The following CMTM7 variants were observed in gnomAD, a reference collection of about 807,000 sequenced individuals.
CMTM7 encodes CKLF-like MARVEL transmembrane domain-containing protein 7.
CMTM7 carries 7 observed loss-of-function variants against 19.3 expected under a neutral mutation model. The observed-to-expected ratio is 0.36, with a 90% CI of 0.21 to 0.68. The LOEUF is 0.68. CMTM7 is among the 30% of genes least tolerant of loss of function. The pLI, the probability that CMTM7 is intolerant of heterozygous loss-of-function variation, is 0.60. For missense variants in CMTM7, 193 were observed against 232.6 expected (o/e 0.83, Z 1.11); for synonymous variants, 87 against 99.3 (o/e 0.88, Z 0.74).
intron 1 of CMTM7, among the ~76,000 whole-genome samples, chr3:32,408,955 T>C (rs1696132540): frequency 1.3e-5 from 2 of 152,082 alleles, no homozygotes; most frequent in South Asian, 4.1e-4. Context: ...CAATCTTGGC[T>C]CACTGCAACT....
chr3:32,454,174 G>C (rs1696875994), intron 4 of CMTM7, 67 bp from the exon 5 acceptor site: 1 of 1,538,408 alleles, frequency 6.5e-7, no homozygotes, highest in Non-Finnish European at 8.8e-7. Flanking sequence ...AGTCAAACCT[G>C]TGGAGTGTGG....
At position 32,405,228 on chromosome 3, in the gene CMTM7, T is replaced by C. The variant is rs114850212; in HGVS notation, c.159+13163T>C. 9.9e-3 allele frequency among the ~76,000 whole-genome samples: 1,511 copies of C among 152,318 alleles called. 23 individuals carry two copies. Among genetic ancestry groups the C allele is most frequent in the African/African-American group, 0.035 (1,445 of 41,566 alleles). ...CCAGACTCCTGCTCCGTGGAAACTG[T>C]GAGAAGATAAATGAATGTTGTGTTA... On this transcript the variant is annotated intron_variant, in intron 1 of 4. Transcript: ENST00000334983.
chr3:32,424,193 C>T (rs75520480), intron 1 of CMTM7, among the ~76,000 whole-genome samples: 3,440 of 152,264 alleles, frequency 0.023, 142 homozygotes, highest in African/African-American at 0.079. Context: ...TTGATGCTGG[C>T]TGGCGGCCTT....
chr3:32,430,816 A>G (rs956909837), intron 1 of CMTM7, among the ~76,000 whole-genome samples: 1 of 151,970 alleles, frequency 6.6e-6, no homozygotes, highest in Admixed American at 6.6e-5. Flanking sequence ...CCCACGTGTT[A>G]GAGATAAGAC....
intron 1 of CMTM7, among the ~76,000 whole-genome samples, chr3:32,433,144 A>T (rs932249477): frequency 3.3e-5 from 5 of 152,268 alleles, no homozygotes; most frequent in Non-Finnish European, 7.3e-5. Flanking sequence ...TTGTGATTTC[A>T]GTTCAGTTCA....
chr3:32,393,552 C>A (rs910334320), intron 1 of CMTM7, among the ~76,000 whole-genome samples: 2 of 152,118 alleles, frequency 1.3e-5, no homozygotes, highest in African/African-American at 4.8e-5. Flanking sequence ...GAAAAGTCTT[C>A]TTGTTGGTCT....
intron 1 of CMTM7, among the ~76,000 whole-genome samples, chr3:32,406,829 C>T (rs1214152293): frequency 3.3e-5 from 5 of 152,210 alleles, no homozygotes; most frequent in Non-Finnish European, 1.5e-5. Context: ...GGAGAGTGAA[C>T]TGCACCACAA....
intron 2 of CMTM7, among the ~76,000 whole-genome samples, chr3:32,444,513 T>C (rs572627169): frequency 6.6e-6 from 1 of 152,330 alleles, no homozygotes; most frequent in East Asian, 1.9e-4. Context: ...ATTATTCTTC[T>C]TTTTTAGGAT....
chr3:32,412,610 G>A (rs1453852959), intron 1 of CMTM7, among the ~76,000 whole-genome samples: 19 of 142,438 alleles, frequency 1.3e-4, no homozygotes, highest in East Asian at 4.1e-4. Context: ...TAGACCTAGC[G>A]TTTTTTTTTA....
At chr3:32,452,837 G>A (rs1270822578) in intron 4 of CMTM7, among the ~76,000 whole-genome samples, 6 of 143,190 alleles carry the variant, frequency 4.2e-5, no homozygotes, top group Admixed American at 2.9e-4. Flanking sequence ...TGCAGCCTCC[G>A]CCTCCCAGGC....
At chr3:32,427,452 C>T (rs901702079) in intron 1 of CMTM7, among the ~76,000 whole-genome samples, 5 of 152,038 alleles carry the variant, frequency 3.3e-5, no homozygotes, top group African/African-American at 1.2e-4. Flanking sequence ...GAGGTGCCCT[C>T]GGTATGGGGA....
chr3:32,445,013 G>A (rs915564792), intron 2 of CMTM7, among the ~76,000 whole-genome samples: 11 of 152,106 alleles, frequency 7.2e-5, no homozygotes, highest in African/African-American at 2.7e-4. Flanking sequence ...ATTGTTCATT[G>A]CAAGTGCATA....
intron 3 of CMTM7, chr3:32,451,899 A>G (rs1158235460): frequency 2.5e-6 from 1 of 395,744 alleles, no homozygotes; most frequent in Non-Finnish European, 4.8e-6. Context: ...GTAAACCTAG[A>G]TGTAAAGGCC....
chr3:32,398,226 C>T (rs188640481), intron 1 of CMTM7, among the ~76,000 whole-genome samples: 5 of 152,318 alleles, frequency 3.3e-5, no homozygotes, highest in African/African-American at 4.8e-5. Context: ...GTTAATCTTA[C>T]GCTATGTGAA....
intron 1 of CMTM7, 43 bp from the exon 2 acceptor site, chr3:32,441,797 G>A (rs770977679): frequency 7.4e-5 from 117 of 1,588,706 alleles, no homozygotes; most frequent in Non-Finnish European, 7.6e-5. Flanking sequence ...CTGGGTGCCC[G>A]TCTTGGGCAA....
intron 1 of CMTM7, among the ~76,000 whole-genome samples, chr3:32,441,330 C>T (rs1696672648): frequency 6.6e-6 from 1 of 152,190 alleles, no homozygotes; most frequent in Non-Finnish European, 1.5e-5. Context: ...TTAGCGAGAT[C>T]ACGTATGTCA....
intron 1 of CMTM7, among the ~76,000 whole-genome samples, chr3:32,403,598 G>A (rs1344112083): frequency 2.6e-5 from 4 of 152,142 alleles, no homozygotes; most frequent in East Asian, 1.9e-4. Context: ...CCAACTCATC[G>A]AGGAAACTGA....
At chr3:32,445,966 C>CT (rs1214430112) in intron 2 of CMTM7, among the ~76,000 whole-genome samples, 1 of 152,094 alleles carries the variant, frequency 6.6e-6, no homozygotes, top group East Asian at 1.9e-4. Context: ...AGATATTGGT[C>CT]TGTAGTTCTC....
intron 2 of CMTM7, among the ~76,000 whole-genome samples, chr3:32,444,415 A>G (rs970525995): frequency 3.9e-5 from 6 of 152,202 alleles, no homozygotes; most frequent in African/African-American, 1.4e-4. Context: ...CCATTGATCT[A>G]TGTGTCTGTC....
Sources: allele counts gnomAD v4.1 joint callset (sites outside exome capture counted in the v4.1 genomes callset), GRCh38; gene constraint gnomAD v4.1.1; transcripts MANE v1.5; gene names NCBI Gene and HGNC (gene_info 2026-07-23, HGNC 2026-07-21).